The following UBN1 variants were observed in gnomAD, a reference collection of about 807,000 sequenced individuals.
UBN1 encodes ubinuclein 1.
UBN1 carries 17 observed loss-of-function variants against 108.5 expected under a neutral mutation model. The observed-to-expected ratio is 0.16, with a 90% confidence interval of 0.11 to 0.24. The LOEUF (loss-of-function observed/expected upper bound fraction) is 0.24, where lower values mean the gene tolerates loss of function less well. Ranked by LOEUF, UBN1 falls within the 10% of genes least tolerant of loss-of-function variation. UBN1 has a pLI of 1.00. For missense variants in UBN1, 1,595 were observed against 1,394.4 expected (o/e 1.14, Z -2.29); for synonymous variants, 726 against 564.2 (o/e 1.29, Z -4.07).
chr16:4,877,795 G>GT lies in UBN1; in HGVS notation c.3355+324dup, dbSNP rs200248231. ...CCCTCGGCTTGTTTTTTTCTCTTCA[G>GT]TTTAAAAAAAAAAAAAAAGGGAAGG... On this transcript the variant is annotated intron_variant, in intron 17 of 17. Transcript: ENST00000262376. This position sits in a 1 kb window ranked among gnomAD's most constrained non-coding sequence, Gnocchi z 4.3. 2 of 824,042 alleles carry GT rather than the reference G, an allele frequency of 2.4e-6. No individual in the cohort carries two copies. The highest frequency in any genetic ancestry group is 1.1e-4 in the East Asian group (1 of 9,216). 51.0% of individuals were successfully genotyped at this position (824,042 alleles called of 1,614,324 possible).
At chr16:4,878,725 T>C (rs1306539878) in intron 17 of UBN1, among the ~76,000 whole-genome samples, 1 of 152,202 alleles carries the variant, frequency 6.6e-6, no homozygotes, top group African/African-American at 2.4e-5. Context: ...AGCAAAGTAA[T>C]TGAGGCCGGA....
Position 4,856,808 on chromosome 16 carries a change from A to T in UBN1, c.250-1182A>T, listed in dbSNP as rs1348595342. Among the ~76,000 whole-genome samples the T allele has an allele frequency of 2.0e-5, 3 of 152,364 alleles. No individual in the cohort carries two copies. In the East Asian group the frequency reaches 5.8e-4, roughly 29 times the overall value. On this transcript the variant is annotated intron_variant, in intron 2 of 17. Coordinates refer to ENST00000262376, the MANE Select transcript of UBN1 (RefSeq NM_001079514.3). Reference sequence around the variant, plus strand: ...TGTAGAAAAATTAGAAGATCCAGATAAGCATGTTTGAAAGACTCCCCATTT... The same window carrying T: ...TGTAGAAAAATTAGAAGATCCAGATTAGCATGTTTGAAAGACTCCCCATTT...
chr16:4,880,219 C>A lies in UBN1; in HGVS notation c.*87C>A. On this transcript the variant is annotated 3_prime_UTR_variant, in exon 18 of 18. Transcript: ENST00000262376. ...AGGATGTACACTCACTGCGCCCTTT[C>A]TGCTGCTTGGTGTTCTTCTGGAGGA... 6.9e-7 allele frequency: 1 copy of A among 1,441,810 alleles called. No individual in the cohort carries two copies. The highest frequency in any genetic ancestry group is 9.8e-7 in the Non-Finnish European group (1 of 1,024,610). The allele number at this position is 1,441,810 out of a possible 1,614,324, so 89.3% of individuals were successfully genotyped here.
Position 4,875,005 on chromosome 16 carries a change from G to C in UBN1, c.2595G>C (p.Leu865=). The change falls in exon 15 of 18, where the codon CTG becomes CTC. Residue 865 remains leucine (L), a synonymous_variant. Coordinates refer to ENST00000262376, the MANE Select transcript of UBN1 (RefSeq NM_001079514.3). ...CTGCACCAGCCACCTCAGGAGGCCT[G>C]TCAGCCTCCAGCAGCAGCTCTCACA... ...HPSAPATSGG[L]SASSSSSHKT... is the part of the protein sequence containing the mutation. The C allele has an allele frequency of 6.2e-7, 1 of 1,614,040 alleles. No homozygotes were observed. Among genetic ancestry groups the C allele is most frequent in the Non-Finnish European group, 8.5e-7 (1 of 1,180,042 alleles).
At chr16:4,859,804 G>T (rs188575946) in intron 5 of UBN1, 61 bp from the exon 6 acceptor site, 157 of 1,608,536 alleles carry the variant, frequency 9.8e-5, no homozygotes, top group Non-Finnish European at 1.3e-4. Context: ...CCAGTGCCGT[G>T]TAGTGCACTT....
chr16:4,847,520 C>T lies in UBN1; in HGVS notation c.-730C>T. 1 of 504,348 alleles carries T rather than the reference C, an allele frequency of 2.0e-6. No individual in the cohort carries two copies. Among genetic ancestry groups the T allele is most frequent in the Non-Finnish European group, 3.4e-6 (1 of 291,824 alleles). The allele number at this position is 504,348 out of a possible 1,614,324, so 31.2% of individuals were successfully genotyped here. On this transcript the variant is annotated 5_prime_UTR_variant, in exon 1 of 18. Coordinates refer to ENST00000262376, the MANE Select transcript of UBN1 (RefSeq NM_001079514.3). ...CCCTTCGGCTCGTGACAACGAAGCG[C>T]CCGCGGTCTGAGGCGGCGGCGGCGG...
rs374129030 is a variant in UBN1 at position 4,861,000 on chromosome 16, T to C, written c.1008T>C (p.Ser336=). The stretch of plus-strand genomic sequence containing the variant: ...CCTTCCGAGATATGGATGATGGAAG[T>C]GATTCCCTTGGGGTGGGATTGGACC... ...GSPFRDMDDG[S]DSLGVGLDQE... Residue 336 remains serine, a synonymous_variant, in exon 7 of 18, where the codon AGT becomes AGC. Coordinates refer to ENST00000262376, the MANE Select transcript of UBN1 (RefSeq NM_001079514.3). 1.2e-6 allele frequency: 2 copies of C among 1,614,088 alleles called. No homozygotes were observed. The highest frequency in any genetic ancestry group is 1.7e-6 in the Non-Finnish European group (2 of 1,180,052).
intron 14 of UBN1, among the ~76,000 whole-genome samples, chr16:4,873,546 T>C (rs1477981538): frequency 6.6e-6 from 1 of 152,200 alleles, no homozygotes; most frequent in East Asian, 1.9e-4. Context: ...CCTCTCAATG[T>C]AGTAAAAATT....
rs7191419 is a variant in UBN1 at position 4,873,447 on chromosome 16, C to T, written c.1800+374C>T. Among the ~76,000 whole-genome samples the T allele has an allele frequency of 6.0e-3, 920 of 152,226 alleles. 17 individuals carry two copies. The highest frequency in any genetic ancestry group is 0.021 in the African/African-American group (882 of 41,538). ...TTGGAGCCACAGCAGAAAGAAAAGG[C>T]GACTTTACTGAGCTACCAGGCAGAA... is the stretch of plus-strand genomic sequence containing the variant. On this transcript the variant is annotated intron_variant, in intron 14 of 17. Transcript: ENST00000262376.
chr16:4,849,091 A>G (rs2086384325), intron 1 of UBN1, among the ~76,000 whole-genome samples: 1 of 152,168 alleles, frequency 6.6e-6, no homozygotes, highest in South Asian at 2.1e-4. Flanking sequence ...AGAGCGAGCG[A>G]GACTCGTCCC....
intron 3 of UBN1, 58 bp downstream of exon 3, chr16:4,858,134 C>A: frequency 8.8e-7 from 1 of 1,134,004 alleles, no homozygotes; most frequent in Non-Finnish European, 1.3e-6. Flanking sequence ...CGTTTCCACA[C>A]TGTATTCCTT....
At chr16:4,875,767 C>A (rs1198947654) in intron 15 of UBN1, among the ~76,000 whole-genome samples, 1 of 152,170 alleles carries the variant, frequency 6.6e-6, no homozygotes, top group Non-Finnish European at 1.5e-5. Context: ...CTCTCCATCT[C>A]TCTAAAGGGG....
At chr16:4,866,089 T>C (rs2087316556) in intron 7 of UBN1, among the ~76,000 whole-genome samples, 1 of 152,228 alleles carries the variant, frequency 6.6e-6, no homozygotes, top group South Asian at 2.1e-4. Flanking sequence ...AATGTAAGGG[T>C]GCTTCTCGAT....
In UBN1 at chr16:4,880,256, C is replaced by A; in HGVS notation, c.*124C>A. Reference sequence around the variant, plus strand: ...GTTCTTCTGGAGGAGCGTGAGTTCTCAGCGGAGCGCTTCTCGGCACTTCTG... The same window carrying A: ...GTTCTTCTGGAGGAGCGTGAGTTCTAAGCGGAGCGCTTCTCGGCACTTCTG... On this transcript the variant is annotated 3_prime_UTR_variant, in exon 18 of 18. Transcript: ENST00000262376. 1 of 1,153,338 alleles carries A rather than the reference C, an allele frequency of 8.7e-7. No individual in the cohort carries two copies. The highest frequency in any genetic ancestry group is 1.3e-6 in the Non-Finnish European group (1 of 774,126). 71.4% of individuals were successfully genotyped at this position (1,153,338 alleles called of 1,614,324 possible). A position where few individuals can be genotyped will look rare whatever the true frequency, so the allele number is the denominator to read the frequency against.
At chr16:4,875,598 T>C (rs2087843382) in intron 15 of UBN1, among the ~76,000 whole-genome samples, 164 bp downstream of exon 15, 1 of 152,176 alleles carries the variant, frequency 6.6e-6, no homozygotes, top group South Asian at 2.1e-4. Flanking sequence ...TTCTCAGGTA[T>C]TCACTTTTCT....
intron 2 of UBN1, among the ~76,000 whole-genome samples, chr16:4,856,603 G>C (rs979769768): frequency 6.6e-6 from 1 of 152,210 alleles, no homozygotes; most frequent in East Asian, 1.9e-4. Flanking sequence ...AGAAAGAAGA[G>C]AGCTTATTTC....
Position 4,852,932 on chromosome 16 carries a change from C to T in UBN1, c.15C>T (p.His5=), listed in dbSNP as rs769245287. 2 of 1,613,982 alleles carry T rather than the reference C, an allele frequency of 1.2e-6. No homozygotes were observed. Among genetic ancestry groups the T allele is most frequent in the Admixed American group, 1.7e-5 (1 of 60,018 alleles). Residue 5 remains histidine, a synonymous_variant, in exon 2 of 18, where the codon CAC becomes CAT. Transcript: ENST00000262376. MSEP[H]RVQFTSLPGS... is the part of the protein sequence containing the mutation. ...TGTTGGTAGCCATGTCGGAGCCCCA[C>T]AGGGTCCAGTTCACCTCTCTCCCAG...
At chr16:4,856,156 A>G (rs2086799366) in intron 2 of UBN1, among the ~76,000 whole-genome samples, 1 of 152,206 alleles carries the variant, frequency 6.6e-6, no homozygotes, top group Non-Finnish European at 1.5e-5. Context: ...GTGTTTATTC[A>G]TGGGTTCAAA....
intron 15 of UBN1, 21 bp downstream of exon 15, chr16:4,875,455 C>G: frequency 6.3e-7 from 1 of 1,583,724 alleles, no homozygotes; most frequent in South Asian, 1.1e-5. Flanking sequence ...GTCATAGCAG[C>G]CTGCCCTGCC....
Sources: allele counts gnomAD v4.1 joint callset (sites outside exome capture counted in the v4.1 genomes callset), GRCh38; gene constraint gnomAD v4.1.1; non-coding constraint Gnocchi (gnomAD v3.1); transcripts MANE v1.5; gene names NCBI Gene and HGNC (gene_info 2026-07-23, HGNC 2026-07-21).